DLG2: variants seen among roughly 807,000 people sequenced by gnomAD.
The protein encoded by DLG2 is disks large homolog 2.
Under a neutral mutation model 132.5 loss-of-function variants are expected in DLG2, and 45 were observed. The observed-to-expected ratio is 0.34, with a 90% CI of 0.27 to 0.44. The LOEUF (loss-of-function observed/expected upper bound fraction) is 0.44. Ranked by LOEUF, DLG2 falls within the 20% of genes least tolerant of loss-of-function variation. DLG2 has a pLI of 1.00. For missense variants in DLG2, 1,045 were observed against 1,196.9 expected (o/e 0.87, Z 1.87); for synonymous variants, 424 against 419.6 (o/e 1.01, Z -0.13).
chr11:84,846,303 C>A (rs148026659), intron 6 of DLG2, among the ~76,000 whole-genome samples: 2 of 152,198 alleles, frequency 1.3e-5, no homozygotes, highest in East Asian at 3.9e-4. Flanking sequence ...CTATAGGTTA[C>A]CAATGCCTCA....
chr11:85,213,658 T>C (rs548770183), intron 4 of DLG2, among the ~76,000 whole-genome samples: 13 of 152,292 alleles, frequency 8.5e-5, no homozygotes, highest in South Asian at 6.2e-4. Context: ...TTGATGTTAA[T>C]GCTGGTCAGC....
intron 18 of DLG2, among the ~76,000 whole-genome samples, chr11:83,688,316 G>A (rs771745059): frequency 1.5e-4 from 23 of 151,886 alleles, no homozygotes; most frequent in Admixed American, 1.2e-3. Flanking sequence ...ATTTTCTTTC[G>A]GGTTCAGGAT....
At chr11:83,964,893 T>G (rs1053887098) in intron 13 of DLG2, among the ~76,000 whole-genome samples, 1 of 152,110 alleles carries the variant, frequency 6.6e-6, no homozygotes, top group South Asian at 2.1e-4. Flanking sequence ...CGCCATTCAA[T>G]TGCAAGATCC....
chr11:84,331,387 A>C (rs542073351), intron 7 of DLG2, among the ~76,000 whole-genome samples: 1 of 151,596 alleles, frequency 6.6e-6, no homozygotes, highest in African/African-American at 2.4e-5. Flanking sequence ...ATTCAAATTT[A>C]GGTCAGTCAG....
chr11:83,882,156 G>T (rs376953365), intron 15 of DLG2, among the ~76,000 whole-genome samples: 3 of 152,028 alleles, frequency 2.0e-5, no homozygotes, highest in Non-Finnish European at 2.9e-5. Context: ...AGTCAATTTG[G>T]TATGCCAAAT....
intron 3 of DLG2, among the ~76,000 whole-genome samples, chr11:85,563,414 T>A (rs915492325): frequency 6.6e-6 from 1 of 150,458 alleles, no homozygotes; most frequent in African/African-American, 2.4e-5. Context: ...AGTAAATGAG[T>A]GGATTAAAAA....
intron 21 of DLG2, among the ~76,000 whole-genome samples, chr11:83,517,835 G>A (rs183984389): frequency 8.5e-5 from 13 of 152,314 alleles, no homozygotes; most frequent in South Asian, 6.2e-4. Context: ...GCAGAACAGC[G>A]GATATTGGTG....
chr11:84,080,813 G>A (rs1472766572), intron 10 of DLG2, among the ~76,000 whole-genome samples: 1 of 151,998 alleles, frequency 6.6e-6, no homozygotes, highest in African/African-American at 2.4e-5. Context: ...CCAACAAGGT[G>A]AAACCCCATC....
At chr11:84,976,669 T>C (rs183164651) in intron 6 of DLG2, among the ~76,000 whole-genome samples, 62 of 152,264 alleles carry the variant, frequency 4.1e-4, no homozygotes, top group Non-Finnish European at 1.8e-4. Context: ...AAATACACTA[T>C]AGGAAATATG....
At chr11:84,317,287 G>A (rs955959004) in intron 7 of DLG2, 1 of 1,458,538 alleles carries the variant, frequency 6.9e-7, no homozygotes, top group African/African-American at 1.4e-5. Context: ...TATAAGCAGT[G>A]CATCGTGGGA....
chr11:83,847,824 T>C (rs1160823974), intron 16 of DLG2, among the ~76,000 whole-genome samples: 4 of 152,196 alleles, frequency 2.6e-5, no homozygotes, highest in African/African-American at 9.6e-5. Context: ...AGAACAGAAA[T>C]GGCTCTATTG....
intron 7 of DLG2, among the ~76,000 whole-genome samples, chr11:84,363,021 A>G (rs1311390227): frequency 6.6e-6 from 1 of 151,390 alleles, no homozygotes; most frequent in African/African-American, 2.4e-5. Context: ...TTGGGTATAT[A>G]CCCAGTAATG....
chr11:84,271,240 C>G (rs2097717995), intron 7 of DLG2, among the ~76,000 whole-genome samples: 1 of 152,054 alleles, frequency 6.6e-6, no homozygotes. Context: ...TTGGCAAATT[C>G]CCAATATGTT....
chr11:84,407,524 G>C (rs1040159147), intron 7 of DLG2, among the ~76,000 whole-genome samples: 2 of 152,132 alleles, frequency 1.3e-5, no homozygotes, highest in Admixed American at 6.6e-5. Flanking sequence ...ACCTAGGTCA[G>C]GTTATGTTGT....
chr11:85,289,675 T>C (rs1222712387), intron 3 of DLG2, among the ~76,000 whole-genome samples: 1 of 152,148 alleles, frequency 6.6e-6, no homozygotes, highest in African/African-American at 2.4e-5. Flanking sequence ...CTGCTTTGAA[T>C]TCATCTAGAC....
chr11:85,333,319 A>G (rs912672992), intron 3 of DLG2, among the ~76,000 whole-genome samples: 6 of 152,218 alleles, frequency 3.9e-5, no homozygotes, highest in Non-Finnish European at 5.9e-5. Flanking sequence ...GAAGTTGTTT[A>G]TCAGTTCTAG....
At chr11:84,109,472 A>G (rs2093206694) in intron 9 of DLG2, among the ~76,000 whole-genome samples, 1 of 152,206 alleles carries the variant, frequency 6.6e-6, no homozygotes, top group African/African-American at 2.4e-5. Flanking sequence ...TGAGTCAGAA[A>G]GCAAGGAGAG....
intron 19 of DLG2, among the ~76,000 whole-genome samples, chr11:83,552,588 G>C (rs2096418069): frequency 6.6e-6 from 1 of 152,120 alleles, no homozygotes; most frequent in South Asian, 2.1e-4. Context: ...TACCTACTAA[G>C]CAGCCTGATC....
At chr11:83,726,079 G>A (rs149137163) in intron 18 of DLG2, among the ~76,000 whole-genome samples, 16 of 152,266 alleles carry the variant, frequency 1.1e-4, no homozygotes, top group Non-Finnish European at 1.5e-4. Flanking sequence ...CACCTGAGAT[G>A]CAAAGTCATC....
Sources: allele counts gnomAD v4.1 joint callset (sites outside exome capture counted in the v4.1 genomes callset), GRCh38; gene constraint gnomAD v4.1.1; transcripts MANE v1.5; gene names NCBI Gene and HGNC (gene_info 2026-07-23, HGNC 2026-07-21).